Variants in KCNMB4 observed in about 807,000 individuals in gnomAD.
KCNMB4 encodes potassium calcium-activated channel subfamily M regulatory beta subunit 4, also known as calcium-activated potassium channel subunit beta-4.
Under a neutral mutation model 20.7 loss-of-function variants are expected in KCNMB4, and 3 were observed. That is an observed-to-expected ratio of 0.14 (90% CI 0.07 to 0.37). The LOEUF (loss-of-function observed/expected upper bound fraction) is 0.37. KCNMB4 is among the 10% of genes least tolerant of loss of function. The pLI is 1.00. For missense variants in KCNMB4, 168 were observed against 265.9 expected (o/e 0.63, Z 2.56); for synonymous variants, 110 against 113.4 (o/e 0.97, Z 0.19).
At chr12:70,399,032 G>T (rs1459433055) in intron 1 of KCNMB4, among the ~76,000 whole-genome samples, 2 of 152,210 alleles carry the variant, frequency 1.3e-5, no homozygotes, top group African/African-American at 2.4e-5. Flanking sequence ...TGCCAAGCAA[G>T]TAGGTTGACA....
chr12:70,414,030 G>A (rs1348729930), intron 2 of KCNMB4, among the ~76,000 whole-genome samples: 3 of 151,968 alleles, frequency 2.0e-5, no homozygotes, highest in Non-Finnish European at 2.9e-5. Context: ...TCAAGAGTTC[G>A]AGACCAGCCT....
At chr12:70,378,676 A>G (rs544738712) in intron 1 of KCNMB4, among the ~76,000 whole-genome samples, 1 of 152,022 alleles carries the variant, frequency 6.6e-6, no homozygotes, top group Non-Finnish European at 1.5e-5. Context: ...AGCTGGGACT[A>G]CAGTTGCACG....
chr12:70,401,291 G>C (rs1868442992), intron 2 of KCNMB4, among the ~76,000 whole-genome samples: 1 of 152,196 alleles, frequency 6.6e-6, no homozygotes. Flanking sequence ...CTCCCAAAGT[G>C]CTGAAATTAC....
At chr12:70,387,576 A>G (rs1371349489) in intron 1 of KCNMB4, among the ~76,000 whole-genome samples, 4 of 151,604 alleles carry the variant, frequency 2.6e-5, no homozygotes, top group Non-Finnish European at 5.9e-5. Context: ...CCAATTTTGT[A>G]TTTTTAGTAC....
At chr12:70,422,456 A>G (rs755760601) in intron 2 of KCNMB4, among the ~76,000 whole-genome samples, 17 of 152,210 alleles carry the variant, frequency 1.1e-4, no homozygotes, top group Non-Finnish European at 1.9e-4. Flanking sequence ...CAGGTTCCTG[A>G]GCAGCTCAAG....
chr12:70,401,767 T>C (rs1245842865), intron 2 of KCNMB4, among the ~76,000 whole-genome samples: 1 of 152,138 alleles, frequency 6.6e-6, no homozygotes, highest in Non-Finnish European at 1.5e-5. Flanking sequence ...GGCTGTCAGC[T>C]GGGGCGCCTC....
chr12:70,401,328 T>G (rs1481161576), intron 2 of KCNMB4, among the ~76,000 whole-genome samples: 1 of 152,052 alleles, frequency 6.6e-6, no homozygotes, highest in African/African-American at 2.4e-5. Flanking sequence ...GTCCAACACA[T>G]CATGTTGATT....
rs141287544 is a variant in KCNMB4 at position 70,375,802 on chromosome 12, A to T, written c.336+8732A>T. 1.9e-3 allele frequency among the ~76,000 whole-genome samples: 296 copies of T among 152,254 alleles called. 2 individuals are homozygous for T. Among genetic ancestry groups the T allele is most frequent in the African/African-American group, 6.9e-3 (286 of 41,536 alleles). The stretch of plus-strand genomic sequence containing the variant: ...CTTATTCCTCCAACTTGGTCATGGT[A>T]TATAATTCTTTTTATAGATTCCTGG... On this transcript the variant is annotated intron_variant, in intron 1 of 2. Transcript: ENST00000258111.
chr12:70,419,255 A>G lies in KCNMB4; in HGVS notation c.465-11230A>G, dbSNP rs75229127. 1.5e-3 allele frequency among the ~76,000 whole-genome samples: 231 copies of G among 152,334 alleles called. 1 individual carries two copies. Among genetic ancestry groups the G allele is most frequent in the Non-Finnish European group, 2.7e-3 (184 of 68,024 alleles). On this transcript the variant is annotated intron_variant, in intron 2 of 2. Coordinates refer to ENST00000258111, the MANE Select transcript of KCNMB4 (RefSeq NM_014505.6). ...TTCTTTAGCACTAGGCATCGCTGAG[A>G]TAGAAAATGAGTTCTGAGAGACTTT...
At chr12:70,419,793 A>G (rs1869003687) in intron 2 of KCNMB4, among the ~76,000 whole-genome samples, 1 of 152,182 alleles carries the variant, frequency 6.6e-6, no homozygotes, top group South Asian at 2.1e-4. Flanking sequence ...ATTCTATAAA[A>G]AGTAAGGAGG....
intron 1 of KCNMB4, among the ~76,000 whole-genome samples, chr12:70,392,151 A>G (rs981111639): frequency 3.9e-5 from 6 of 152,206 alleles, no homozygotes; most frequent in Non-Finnish European, 8.8e-5. Flanking sequence ...ATAGCTACAA[A>G]TAATGCCATC....
rs1051162026 is a variant in KCNMB4, at chr12:70,430,772, A to G, written c.*119A>G. 3.4e-5 allele frequency: 33 copies of G among 964,012 alleles called. No individual in the cohort carries two copies. Among genetic ancestry groups the G allele is most frequent in the Non-Finnish European group, 4.8e-5 (33 of 693,242 alleles). 59.7% of individuals were successfully genotyped at this position (964,012 alleles called of 1,614,324 possible). On this transcript the variant is annotated 3_prime_UTR_variant, in exon 3 of 3. Coordinates refer to ENST00000258111, the MANE Select transcript of KCNMB4 (RefSeq NM_014505.6). ...GACAGGGCCACGACAGGGCTCTGAG[A>G]GGCTCATCCCTCAGTGGCAACAGAA...
At position 70,432,030 on chromosome 12, in the gene KCNMB4, C is replaced by CTTTTTTTT. The variant is rs376288820; in HGVS notation, c.*1388_*1395dup. The CTTTTTTTT allele has an allele frequency of 1.3e-3, 166 of 127,892 alleles. No individual in the cohort carries two copies. The highest frequency in any genetic ancestry group is 1.7e-3 in the Non-Finnish European group (103 of 60,370). The allele number at this position is 127,892 out of a possible 1,614,324, so 7.9% of individuals were successfully genotyped here. ...TCCACATACCAATGTTTTCTTTTTTCTTTTTTTTTTTTTTTTTTGAGATGG... is the reference window on the plus strand; with the variant it reads ...TCCACATACCAATGTTTTCTTTTTTCTTTTTTTTTTTTTTTTTTTTTTTTTTGAGATGG... On this transcript the variant is annotated 3_prime_UTR_variant, in exon 3 of 3. Transcript: ENST00000258111.
chr12:70,424,066 G>C (rs939478958), intron 2 of KCNMB4, among the ~76,000 whole-genome samples: 1 of 152,180 alleles, frequency 6.6e-6, no homozygotes, highest in South Asian at 2.1e-4. Flanking sequence ...AGGGAAAAGG[G>C]AGAGGAAGAA....
At chr12:70,424,455 A>AT (rs906562120) in intron 2 of KCNMB4, among the ~76,000 whole-genome samples, 9 of 150,576 alleles carry the variant, frequency 6.0e-5, no homozygotes, top group African/African-American at 2.0e-4. Flanking sequence ...AAAAAAAAAA[A>AT]AAATATTGCA....
Position 70,385,365 on chromosome 12 carries a change from T to G in KCNMB4, c.337-14844T>G, listed in dbSNP as rs373919536. Reference sequence around the variant, plus strand: ...TTTGAGAGCATCTACCTCCTCAATCTGTTGAGCTTTCTTTCATCTAGCTTT... The same window carrying G: ...TTTGAGAGCATCTACCTCCTCAATCGGTTGAGCTTTCTTTCATCTAGCTTT... On this transcript the variant is annotated intron_variant, in intron 1 of 2. Coordinates refer to ENST00000258111, the MANE Select transcript of KCNMB4 (RefSeq NM_014505.6). Among the ~76,000 whole-genome samples the G allele has an allele frequency of 1.2e-4, 18 of 152,328 alleles. No individual in the cohort carries two copies. The South Asian group carries it at 3.3e-3, about 28-fold the overall frequency.
intron 2 of KCNMB4, among the ~76,000 whole-genome samples, chr12:70,422,066 C>T (rs1320976018): frequency 6.6e-6 from 1 of 152,082 alleles, no homozygotes; most frequent in African/African-American, 2.4e-5. Flanking sequence ...TAATTCATCT[C>T]TCCCATACGA....
chr12:70,379,671 C>G (rs911234012), intron 1 of KCNMB4, among the ~76,000 whole-genome samples: 3 of 152,226 alleles, frequency 2.0e-5, no homozygotes, highest in African/African-American at 7.2e-5. Context: ...CTTCTCCCTT[C>G]AGAATGCTGG....
intron 2 of KCNMB4, among the ~76,000 whole-genome samples, chr12:70,418,657 A>G (rs1049230464): frequency 6.6e-6 from 1 of 152,198 alleles, no homozygotes; most frequent in Non-Finnish European, 1.5e-5. Context: ...TTTTATATCA[A>G]AAATCATGAG....
Sources: gnomAD v4.1 joint callset for allele counts (sites outside exome capture counted in the v4.1 genomes callset) on GRCh38, gnomAD v4.1.1 for gene constraint, MANE v1.5 for transcripts, NCBI Gene and HGNC (gene_info 2026-07-23, HGNC 2026-07-21) for gene names.